Variants in NDST2 observed in about 807,000 individuals in gnomAD.
NDST2 encodes the protein bifunctional heparan sulfate N-deacetylase/N-sulfotransferase 2.
NDST2 carries 32 observed loss-of-function variants against 86.9 expected under a neutral mutation model. The ratio of observed to expected loss-of-function variants is 0.37; its 90% CI spans 0.28 to 0.49. The LOEUF (loss-of-function observed/expected upper bound fraction) is 0.49, where lower values mean the gene tolerates loss of function less well. Among genes scored for constraint, NDST2 ranks in the 20% least tolerant of loss-of-function variants. NDST2 has a pLI of 0.97. For missense variants in NDST2, 950 were observed against 1,146.9 expected (o/e 0.83, Z 2.48); for synonymous variants, 409 against 437.0 (o/e 0.94, Z 0.80).
Position 73,803,752 on chromosome 10 carries a change from G to C in NDST2, c.1968-4C>G. On this transcript the variant is annotated splice_region_variant and splice_polypyrimidine_tract_variant and intron_variant, in intron 10 of 14. Coordinates refer to ENST00000309979, the MANE Select transcript of NDST2 (RefSeq NM_003635.4). ...AACAGGGAAGAAATCCATGTACCTAGGAAGTAGCACAGAAGAGAGAGAAGC... is the reference window on the plus strand; with the variant it reads ...AACAGGGAAGAAATCCATGTACCTACGAAGTAGCACAGAAGAGAGAGAAGC... 6.2e-7 allele frequency: 1 copy of C among 1,614,152 alleles called. No homozygotes were observed. The highest frequency in any genetic ancestry group is 1.7e-5 in the Admixed American group (1 of 60,030).
At position 73,802,290 on chromosome 10, in the gene NDST2, G is replaced by A. The variant is rs1022039919; in HGVS notation, c.*161C>T. 9 of 718,746 alleles carry A rather than the reference G, an allele frequency of 1.3e-5. No individual in the cohort carries two copies. Among genetic ancestry groups the A allele is most frequent in the East Asian group, 5.4e-5 (2 of 37,196 alleles). The allele number at this position is 718,746 out of a possible 1,614,324, so 44.5% of individuals were successfully genotyped here. A position where few individuals can be genotyped will look rare whatever the true frequency, so the allele number is the denominator to read the frequency against. Reference sequence around the variant, plus strand: ...AAGCCCCTTTATTTGTCCCAGAACTGTGGGAAAAGGATACCCTTCCCTTCT... The same window carrying A: ...AAGCCCCTTTATTTGTCCCAGAACTATGGGAAAAGGATACCCTTCCCTTCT... On this transcript the variant is annotated 3_prime_UTR_variant, in exon 15 of 15. Transcript: ENST00000309979.
chr10:73,803,518 G>GGGGGGGGGCGGC, intron 11 of NDST2, 56 bp downstream of exon 11: 1 of 1,211,550 alleles, frequency 8.3e-7, no homozygotes, highest in Non-Finnish European at 1.2e-6. Flanking sequence ...AGCAGTCACT[G>GGGGGGGGGCGGC]TCCCCTCCCC....
At position 73,805,587 on chromosome 10, in the gene NDST2, C is replaced by T. The variant is rs1304676901; in HGVS notation, c.1746G>A (p.Gln582=). The change falls in exon 8 of 15, where the codon CAG becomes CAA. Residue 582 remains glutamine (Q), a splice_region_variant and synonymous_variant. Coordinates refer to ENST00000309979, the MANE Select transcript of NDST2 (RefSeq NM_003635.4). ...TCATCAGACTGAGCTCCACCTTTACCTGCCAAAGGGGGCTTCGCTCCTGAG... is the reference window on the plus strand; with the variant it reads ...TCATCAGACTGAGCTCCACCTTTACTTGCCAAAGGGGGCTTCGCTCCTGAG... ...LFPQERSPLW[Q]NPCDDKRHKD... is the part of the protein sequence containing the mutation. 6.2e-7 allele frequency: 1 copy of T among 1,613,962 alleles called. No individual in the cohort carries two copies. Among genetic ancestry groups the T allele is most frequent in the Non-Finnish European group, 8.5e-7 (1 of 1,179,990 alleles).
chr10:73,803,609 T>G lies in NDST2; in HGVS notation c.2107A>C (p.Thr703Pro). 3 of 1,597,080 alleles carry G rather than the reference T, an allele frequency of 1.9e-6. No individual in the cohort carries two copies. Among genetic ancestry groups the G allele is most frequent in the Non-Finnish European group, 2.6e-6 (3 of 1,170,928 alleles). Residue 703 changes from threonine to proline, a missense_variant, in exon 11 of 15, where the codon ACC (threonine) becomes CCC (proline). By Grantham distance (38) the Thr-to-Pro change is conservative. Coordinates refer to ENST00000309979, the MANE Select transcript of NDST2 (RefSeq NM_003635.4). The stretch of plus-strand genomic sequence containing the variant: ...GAGTAGGCCCTGTCAGCAGGGTTGG[T>G]GAGCACTGTGATGATCTTGGCTCGT... Reference protein sequence around the residue: ...LPRAKIITVLTNPADRAYSWY... With the variant: ...LPRAKIITVLPNPADRAYSWY...
rs1187390113 is a variant in NDST2 at position 73,805,915 on chromosome 10, T to C, written c.1548A>G (p.Thr516=). The change falls in exon 7 of 15, where the codon ACA becomes ACG. Residue 516 remains threonine (T), a synonymous_variant. Coordinates refer to ENST00000309979, the MANE Select transcript of NDST2 (RefSeq NM_003635.4). ...AGCACCTTACCGGATTAAGCAGCAC[T>C]GTCAGAAAGAGCTCTCCACCTCGGA... ...RSIRGGELFL[T]VLLNPISIFM... The C allele has an allele frequency of 2.5e-6, 4 of 1,614,212 alleles. No individual in the cohort carries two copies. In the Admixed American group the frequency reaches 5.0e-5, roughly 20 times the overall value.
intron 2 of NDST2, among the ~76,000 whole-genome samples, chr10:73,810,099 C>T (rs938428898): frequency 2.6e-5 from 4 of 152,134 alleles, no homozygotes; most frequent in African/African-American, 9.7e-5. Context: ...ACCACCCACC[C>T]CCAAACACAC....
chr10:73,804,693 GGAGA>G (rs1359595420), intron 9 of NDST2, 76 bp downstream of exon 9: 1 of 825,840 alleles, frequency 1.2e-6, no homozygotes, highest in Non-Finnish European at 2.0e-6. Flanking sequence ...GTGATTACCT[GGAGA>G]GAGAAGAGAG....
intron 1 of NDST2, among the ~76,000 whole-genome samples, chr10:73,811,212 C>T (rs2084235109): frequency 6.6e-6 from 1 of 152,092 alleles, no homozygotes; most frequent in African/African-American, 2.4e-5. Flanking sequence ...GGGAAGGGGC[C>T]ACAGGCGCGC....
In NDST2 at chr10:73,803,884, C is replaced by T. The variant is rs1433135457; in HGVS notation, c.1967+9G>A. 17 of 1,613,990 alleles carry T rather than the reference C, an allele frequency of 1.1e-5. No individual in the cohort carries two copies. The highest frequency in any genetic ancestry group is 1.4e-5 in the Non-Finnish European group (16 of 1,180,012). On this transcript the variant is annotated intron_variant, in intron 10 of 14. Transcript: ENST00000309979. ...CTCTGAGAAACATTCAAATGGGGCC[C>T]AGTCTCACCAGTCAATACCCTTGTG...
chr10:73,802,334 G>A lies in NDST2; in HGVS notation c.*117C>T. On this transcript the variant is annotated 3_prime_UTR_variant, in exon 15 of 15. Transcript: ENST00000309979. Reference sequence around the variant, plus strand: ...CCCTTCTCAGCCATCTCAGGCCTGGGGGCTACTGAGGTAGAGGGGGAGGGG... The same window carrying A: ...CCCTTCTCAGCCATCTCAGGCCTGGAGGCTACTGAGGTAGAGGGGGAGGGG... 1 of 1,104,736 alleles carries A rather than the reference G, an allele frequency of 9.1e-7. No homozygotes were observed. Among genetic ancestry groups the A allele is most frequent in the Non-Finnish European group, 1.3e-6 (1 of 765,794 alleles). The allele number at this position is 1,104,736 out of a possible 1,614,324, so 68.4% of individuals were successfully genotyped here. A position where few individuals can be genotyped will look rare whatever the true frequency, so the allele number is the denominator to read the frequency against.
Position 73,803,621 on chromosome 10 carries a change from T to C in NDST2, c.2095A>G (p.Ile699Val). Residue 699 changes from isoleucine to valine, a missense_variant, in exon 11 of 15, where the codon ATC (isoleucine) becomes GTC (valine). Transcript: ENST00000309979. Reference sequence around the variant, plus strand: ...TCAGCAGGGTTGGTGAGCACTGTGATGATCTTGGCTCGTGGCAGGAGGGCA... The same window carrying C: ...TCAGCAGGGTTGGTGAGCACTGTGACGATCTTGGCTCGTGGCAGGAGGGCA... Reference protein sequence around the residue: ...GAALLPRAKIITVLTNPADRA... With the variant: ...GAALLPRAKIVTVLTNPADRA... The C allele has an allele frequency of 1.2e-6, 2 of 1,609,088 alleles. No individual in the cohort carries two copies. The highest frequency in any genetic ancestry group is 1.1e-5 in the South Asian group (1 of 90,916).
Position 73,805,999 on chromosome 10 carries a change from G to A in NDST2, c.1464C>T (p.Phe488=). Residue 488 remains phenylalanine, a synonymous_variant, in exon 7 of 15, where the codon TTC becomes TTT. Transcript: ENST00000309979. ...MVLPRQTCGL[F]THTIFYNEYP... ...ACTCATTATAGAAGATTGTGTGAGTGAAGAGGCCACATGTCTGCCGGGGCA... is the reference window on the plus strand; with the variant it reads ...ACTCATTATAGAAGATTGTGTGAGTAAAGAGGCCACATGTCTGCCGGGGCA... 2 of 1,614,198 alleles carry A rather than the reference G, an allele frequency of 1.2e-6. No homozygotes were observed. Among genetic ancestry groups the A allele is most frequent in the Non-Finnish European group, 1.7e-6 (2 of 1,180,030 alleles).
Position 73,808,133 on chromosome 10 carries a change from C to T in NDST2, c.256G>A (p.Val86Met), listed in dbSNP as rs575226199. ...RPPETARTEP[V>M]VLVFVESAYS... ...GCACTCTCCACAAACACAAGGACCA[C>T]GGGTTCAGTTCGAGCTGTCTCTGGA... Residue 86 changes from valine to methionine, a missense_variant, in exon 3 of 15, where the codon GTG (valine) becomes ATG (methionine). Around this residue, in one of 5 missense-constraint regions of NDST2, gnomAD observed 586 missense variants for 714.0 expected, o/e 0.82. Transcript: ENST00000309979. This position sits in a 1 kb window ranked among gnomAD's most constrained non-coding sequence, Gnocchi z 4.3. 24 of 1,614,236 alleles carry T rather than the reference C, an allele frequency of 1.5e-5. No homozygotes were observed. The highest frequency in any genetic ancestry group is 8.0e-5 in the African/African-American group (6 of 75,058).
chr10:73,805,154 G>C (rs1260190089), intron 8 of NDST2, among the ~76,000 whole-genome samples: 2 of 151,860 alleles, frequency 1.3e-5, no homozygotes, highest in Non-Finnish European at 2.9e-5. Context: ...GCCTGCCTCG[G>C]CCTCCCAAAG....
intron 2 of NDST2, among the ~76,000 whole-genome samples, chr10:73,809,909 T>G (rs561056667): frequency 1.3e-5 from 2 of 152,288 alleles, no homozygotes; most frequent in South Asian, 4.1e-4. Context: ...ATTTTTAATT[T>G]TTTTTAGAGA....
chr10:73,803,359 G>A lies in NDST2; in HGVS notation c.2143C>T (p.His715Tyr). Residue 715 changes from histidine (H) to tyrosine (Y), a missense_variant and splice_region_variant, in exon 12 of 15, where the codon CAT (histidine) becomes TAT (tyrosine). Transcript: ENST00000309979. ...ACTGGGTCTCCATGGGCTCGCTGAT[G>A]CTGAAGGACAAAGAGAAGGAAGGTG... ...PADRAYSWYQ[H>Y]QRAHGDPVAL... The A allele has an allele frequency of 2.5e-6, 4 of 1,614,172 alleles. No homozygotes were observed. Among genetic ancestry groups the A allele is most frequent in the Non-Finnish European group, 3.4e-6 (4 of 1,180,004 alleles).
Position 73,805,810 on chromosome 10 carries a change from C to T in NDST2, c.1564-41G>A, listed in dbSNP as rs189099960. 9 of 1,613,310 alleles carry T rather than the reference C, an allele frequency of 5.6e-6. No individual in the cohort carries two copies. In the African/African-American group the frequency reaches 9.3e-5, roughly 17 times the overall value. The stretch of plus-strand genomic sequence containing the variant: ...GCATGTCAGATTTGGAGAGCCTACC[C>T]CACCTCTGAATTAGCCTTGGTGAAT... On this transcript the variant is annotated intron_variant, in intron 7 of 14. Coordinates refer to ENST00000309979, the MANE Select transcript of NDST2 (RefSeq NM_003635.4).
At position 73,808,086 on chromosome 10, in the gene NDST2, T is replaced by A. The variant is rs1445585536; in HGVS notation, c.303A>T (p.Glu101Asp). Residue 101 changes from glutamate to aspartate, a missense_variant, in exon 3 of 15, where the codon GAA becomes GAT. Glu to Asp is a conservative substitution (Grantham distance 45). Around this residue, in one of 5 missense-constraint regions of NDST2, gnomAD observed 586 missense variants for 714.0 expected, o/e 0.82. Coordinates refer to ENST00000309979, the MANE Select transcript of NDST2 (RefSeq NM_003635.4). The surrounding 1 kb of genome is among the most constrained non-coding windows in gnomAD (Gnocchi z 4.3). ...GACTAGACTCCAGGATGGCCACAATTTCCTGCCCCAGCTGTGAGTATGCAC... is the reference window on the plus strand; with the variant it reads ...GACTAGACTCCAGGATGGCCACAATATCCTGCCCCAGCTGTGAGTATGCAC... ...VESAYSQLGQ[E>D]IVAILESSRF... 6.2e-7 allele frequency: 1 copy of A among 1,614,196 alleles called. No individual in the cohort carries two copies. The highest frequency in any genetic ancestry group is 2.2e-5 in the East Asian group (1 of 44,882).
chr10:73,802,109 A>C lies in NDST2; in HGVS notation c.*342T>G, dbSNP rs536149705. The C allele has an allele frequency of 1.8e-4, 72 of 395,398 alleles. No individual in the cohort carries two copies. The highest frequency in any genetic ancestry group is 8.1e-4 in the Admixed American group (19 of 23,364). The allele number at this position is 395,398 out of a possible 1,614,324, so 24.5% of individuals were successfully genotyped here. On this transcript the variant is annotated 3_prime_UTR_variant, in exon 15 of 15. Transcript: ENST00000309979. ...CTCCCATGCAAGGGGTCTCTCCCAT[A>C]GCCAGGTATAGAATAGATACACTGC...
Sources: gnomAD v4.1 joint callset for allele counts (sites outside exome capture counted in the v4.1 genomes callset) on GRCh38, gnomAD v4.1.1 for gene constraint, gnomAD v4.1.1 regional missense constraint, Gnocchi (gnomAD v3.1) non-coding constraint, MANE v1.5 for transcripts, NCBI Gene and HGNC (gene_info 2026-07-23, HGNC 2026-07-21) for gene names.